VPS13B: variants seen among roughly 807,000 people sequenced by gnomAD.
VPS13B encodes vacuolar protein sorting 13 homolog B.
Under a neutral mutation model 426.4 loss-of-function variants are expected in VPS13B, and 285 were observed. The observed-to-expected ratio is 0.67, with a 90% CI of 0.61 to 0.74. VPS13B has a LOEUF of 0.74. VPS13B is among the 30% of genes least tolerant of loss of function. The probability of loss-of-function intolerance (pLI) is 0.00; values close to 1 mark genes in which losing one functional copy is unlikely to be tolerated. For missense variants in VPS13B, 4,537 were observed against 4,782.6 expected, an observed-to-expected ratio of 0.95 and a Z score of 1.51; for synonymous variants, 1,676 against 1,676.4, an observed-to-expected ratio of 1.00 and a Z score of 0.01.
chr8:99,336,157 A>T (rs1298923998), intron 19 of VPS13B, among the ~76,000 whole-genome samples: 2 of 152,188 alleles, frequency 1.3e-5, no homozygotes, highest in Non-Finnish European at 2.9e-5. Context: ...TACTGGTACC[A>T]AAACAGAGAT....
chr8:99,449,450 A>G (rs1391109765), intron 23 of VPS13B, among the ~76,000 whole-genome samples: 2 of 152,142 alleles, frequency 1.3e-5, no homozygotes, highest in Non-Finnish European at 2.9e-5. Context: ...CTAAAGAGGG[A>G]TCATAGAGAC....
intron 24 of VPS13B, among the ~76,000 whole-genome samples, chr8:99,473,250 T>C (rs939815480): frequency 6.6e-6 from 1 of 152,066 alleles, no homozygotes; most frequent in Non-Finnish European, 1.5e-5. Flanking sequence ...ATATATAAGT[T>C]CTTAACCAAA....
chr8:99,546,885 C>A (rs1190340139), intron 30 of VPS13B, among the ~76,000 whole-genome samples: 1 of 151,876 alleles, frequency 6.6e-6, no homozygotes, highest in South Asian at 2.1e-4. Flanking sequence ...TACTTGTTTA[C>A]GTACAGTTTA....
intron 34 of VPS13B, 127 bp downstream of exon 34, chr8:99,642,625 A>T: frequency 1.2e-6 from 1 of 824,928 alleles, no homozygotes; most frequent in South Asian, 1.6e-5. Context: ...GAATATGGAA[A>T]GTTCATGTTC....
intron 39 of VPS13B, among the ~76,000 whole-genome samples, chr8:99,743,606 T>G (rs934477591): frequency 4.6e-5 from 7 of 152,202 alleles, no homozygotes; most frequent in African/African-American, 1.7e-4. Context: ...AACAGCATGG[T>G]ACTGGTTCCA....
intron 29 of VPS13B, among the ~76,000 whole-genome samples, chr8:99,516,566 A>G (rs190582912): frequency 1.8e-4 from 27 of 152,160 alleles, no homozygotes; most frequent in African/African-American, 6.5e-4. Flanking sequence ...AAGCAGGCAT[A>G]TAGCTTGAGC....
chr8:99,811,653 C>T (rs1337295175), intron 44 of VPS13B, among the ~76,000 whole-genome samples: 1 of 151,968 alleles, frequency 6.6e-6, no homozygotes. Flanking sequence ...ACTGAAATGG[C>T]AGGGTCCCTC....
At chr8:99,376,856 T>A (rs1813517718) in intron 19 of VPS13B, among the ~76,000 whole-genome samples, 1 of 152,080 alleles carries the variant, frequency 6.6e-6, no homozygotes, top group South Asian at 2.1e-4. Flanking sequence ...ATATGGCCTG[T>A]ACTTAGATGC....
intron 30 of VPS13B, among the ~76,000 whole-genome samples, chr8:99,533,998 C>T (rs546525093): frequency 2.1e-4 from 32 of 152,284 alleles, no homozygotes; most frequent in Admixed American, 4.6e-4. Context: ...AGGTATGTTT[C>T]GTATCTGGTG....
intron 3 of VPS13B, among the ~76,000 whole-genome samples, chr8:99,063,413 A>G (rs1276467245): frequency 2.6e-5 from 4 of 152,162 alleles, no homozygotes; most frequent in African/African-American, 9.7e-5. Context: ...ATACCAGGAG[A>G]TTATATCCCA....
At chr8:99,485,098 A>G (rs1820235494) in intron 25 of VPS13B, among the ~76,000 whole-genome samples, 1 of 152,220 alleles carries the variant, frequency 6.6e-6, no homozygotes, top group African/African-American at 2.4e-5. Flanking sequence ...GTTGACAGTC[A>G]GTGATATGCT....
At chr8:99,380,310 T>G (rs1187081241) in intron 19 of VPS13B, among the ~76,000 whole-genome samples, 1 of 152,184 alleles carries the variant, frequency 6.6e-6, no homozygotes. Context: ...TAGGTCCTTA[T>G]GAGAAATTTG....
chr8:99,573,334 T>C (rs1825588674), intron 31 of VPS13B, among the ~76,000 whole-genome samples: 1 of 152,226 alleles, frequency 6.6e-6, no homozygotes. Context: ...TTGGCTTTTG[T>C]TGCCATTGCT....
intron 2 of VPS13B, among the ~76,000 whole-genome samples, chr8:99,031,630 G>A (rs368719423): frequency 6.6e-6 from 1 of 152,314 alleles, no homozygotes; most frequent in Non-Finnish European, 1.5e-5. Flanking sequence ...GGGTGCAGTA[G>A]TGTAATTTCT....
intron 30 of VPS13B, among the ~76,000 whole-genome samples, chr8:99,533,572 A>C (rs1266667260): frequency 6.6e-6 from 1 of 152,334 alleles, no homozygotes; most frequent in Non-Finnish European, 1.5e-5. Flanking sequence ...TTTTACATAT[A>C]TACTTTAACA....
At chr8:99,479,372 A>G (rs1819916554) in intron 24 of VPS13B, among the ~76,000 whole-genome samples, 1 of 152,232 alleles carries the variant, frequency 6.6e-6, no homozygotes, top group African/African-American at 2.4e-5. Context: ...AATACACAAG[A>G]CATTGTTGAT....
At chr8:99,248,396 C>T (rs1294065018) in intron 17 of VPS13B, among the ~76,000 whole-genome samples, 4 of 151,960 alleles carry the variant, frequency 2.6e-5, no homozygotes, top group African/African-American at 9.7e-5. Context: ...TTTCTAAATA[C>T]ATTTCTTGGT....
rs576709775 is a variant in VPS13B at position 99,072,168 on chromosome 8, G to T, written c.292-24144G>T. ...GGAGCCTCTCCTTGTGGCCACCACA[G>T]CTGGGAATACGCTGGGTCACACCTG... On this transcript the variant is annotated intron_variant, in intron 3 of 61. Coordinates refer to ENST00000357162, the MANE Select transcript of VPS13B (RefSeq NM_152564.5). Among the ~76,000 whole-genome samples, 6 of 152,214 alleles carry T rather than the reference G, an allele frequency of 3.9e-5. No individual in the cohort carries two copies. In the South Asian group the frequency reaches 6.2e-4, roughly 16 times the overall value.
chr8:99,106,018 T>A (rs1161111422), intron 5 of VPS13B, among the ~76,000 whole-genome samples: 1 of 152,236 alleles, frequency 6.6e-6, no homozygotes, highest in Non-Finnish European at 1.5e-5. Context: ...ATATTAATTA[T>A]CTTGTTTAAC....
Sources: allele counts gnomAD v4.1 joint callset (sites outside exome capture counted in the v4.1 genomes callset), GRCh38; gene constraint gnomAD v4.1.1; transcripts MANE v1.5; gene names NCBI Gene and HGNC (gene_info 2026-07-23, HGNC 2026-07-21).